The following CMYA5 variants were observed in gnomAD, a reference collection of about 807,000 sequenced individuals.
CMYA5 encodes cardiomyopathy-associated protein 5.
CMYA5 carries 246 observed loss-of-function variants against 318.9 expected under a neutral mutation model. That is an observed-to-expected ratio of 0.77 (90% CI 0.70 to 0.86). CMYA5 has a LOEUF of 0.86. Among genes scored for constraint, CMYA5 ranks in the 40% least tolerant of loss-of-function variants. The pLI is 0.00. For synonymous variants in CMYA5, 1,641 were observed against 1,729.5 expected (o/e 0.95, Z 1.27); for missense variants, 4,589 against 4,678.2 (o/e 0.98, Z 0.56).
chr5:79,735,283 A>C lies in CMYA5; in HGVS notation c.6518A>C (p.Lys2173Thr), dbSNP rs561658301. ...KPDLPEEKGK[K>T]GISSFKSWMS... The stretch of plus-strand genomic sequence containing the variant: ...GACCTTCCTGAGGAAAAGGGAAAGA[A>C]AGGAATTTCATCTTTCAAATCGTGG... The change falls in exon 2 of 13, where the codon AAA becomes ACA. Residue 2173 changes from lysine to threonine, a missense_variant. Physicochemically the swap from Lys to Thr is moderately conservative, Grantham distance 78. Transcript: ENST00000446378. 3 of 1,613,840 alleles carry C rather than the reference A, an allele frequency of 1.9e-6. No homozygotes were observed. The African/African-American group carries it at 4.0e-5, about 22-fold the overall frequency.
chr5:79,742,997 C>G (rs777832298), intron 2 of CMYA5, among the ~76,000 whole-genome samples: 5 of 152,060 alleles, frequency 3.3e-5, no homozygotes, highest in Non-Finnish European at 7.4e-5. Flanking sequence ...TGAAGGCACA[C>G]AGATGAGAAA....
intron 1 of CMYA5, among the ~76,000 whole-genome samples, chr5:79,691,825 A>T (rs1826975679): frequency 6.6e-6 from 1 of 152,202 alleles, no homozygotes; most frequent in African/African-American, 2.4e-5. Flanking sequence ...GGGACAGCTT[A>T]ATTTTACACA....
chr5:79,719,942 A>T (rs1191552026), intron 1 of CMYA5, among the ~76,000 whole-genome samples: 1 of 152,248 alleles, frequency 6.6e-6, no homozygotes, highest in African/African-American at 2.4e-5. Flanking sequence ...AAATACAATA[A>T]TAAAAAATGA....
chr5:79,694,991 C>T (rs1259362217), intron 1 of CMYA5, among the ~76,000 whole-genome samples: 2 of 152,056 alleles, frequency 1.3e-5, no homozygotes, highest in Non-Finnish European at 2.9e-5. Flanking sequence ...TTTGACTCAA[C>T]GAAGAGTTAA....
intron 9 of CMYA5, among the ~76,000 whole-genome samples, chr5:79,771,944 G>T (rs928402800): frequency 3.3e-5 from 5 of 152,076 alleles, no homozygotes; most frequent in Non-Finnish European, 5.9e-5. Context: ...TATGAAGAGA[G>T]AATGCACTAC....
chr5:79,697,287 C>T (rs1827086384), intron 1 of CMYA5, among the ~76,000 whole-genome samples: 1 of 152,226 alleles, frequency 6.6e-6, no homozygotes, highest in South Asian at 2.1e-4. Context: ...CCTCCTTGCT[C>T]ATTCCCCTGG....
At chr5:79,798,241 C>T (rs781460671) in intron 12 of CMYA5, among the ~76,000 whole-genome samples, 4 of 152,096 alleles carry the variant, frequency 2.6e-5, no homozygotes, top group Non-Finnish European at 4.4e-5. Context: ...CTTGAAGATC[C>T]TCAGCCCTCC....
intron 9 of CMYA5, among the ~76,000 whole-genome samples, chr5:79,776,648 G>A (rs950732793): frequency 1.6e-4 from 25 of 152,052 alleles, no homozygotes; most frequent in Admixed American, 6.6e-4. Context: ...GCAGGCTTGG[G>A]GAACACTGCC....
chr5:79,751,841 C>T (rs768918509), intron 5 of CMYA5, among the ~76,000 whole-genome samples: 12 of 152,290 alleles, frequency 7.9e-5, no homozygotes, highest in Non-Finnish European at 1.3e-4. Context: ...GTATTAGTAG[C>T]GTACTCTCTG....
intron 1 of CMYA5, among the ~76,000 whole-genome samples, chr5:79,723,443 G>GAAA (rs35720490): frequency 9.0e-5 from 11 of 121,558 alleles, no homozygotes; most frequent in African/African-American, 2.7e-4. Context: ...CATCTCAAAG[G>GAAA]AAAAAAAAAA....
intron 5 of CMYA5, 149 bp from the exon 6 acceptor site, chr5:79,752,527 A>G (rs1828448167): frequency 1.9e-6 from 1 of 521,692 alleles, no homozygotes; most frequent in Non-Finnish European, 3.4e-6. Flanking sequence ...AAGACTTTAA[A>G]GCTTTAAATC....
chr5:79,732,370 C>T lies in CMYA5; in HGVS notation c.3605C>T (p.Ser1202Leu). 5.0e-6 allele frequency: 8 copies of T among 1,613,684 alleles called. No individual in the cohort carries two copies. The highest frequency in any genetic ancestry group is 1.3e-5 in the African/African-American group (1 of 75,038). Residue 1202 changes from serine (S) to leucine (L), a missense_variant, in exon 2 of 13, where the codon TCA becomes TTA. Coordinates refer to ENST00000446378, the MANE Select transcript of CMYA5 (RefSeq NM_153610.5). ...GCTGCAGATGAACAGATGGCTTTGT[C>T]AAAAGTCAGAAAGGAAGAAATTGTG... ...LKAADEQMALSKVRKEEIVPD... is the reference protein window; with the variant it reads ...LKAADEQMALLKVRKEEIVPD...
At chr5:79,768,981 C>A (rs1828806206) in intron 9 of CMYA5, among the ~76,000 whole-genome samples, 1 of 152,048 alleles carries the variant, frequency 6.6e-6, no homozygotes, top group Non-Finnish European at 1.5e-5. Context: ...TTCTTGGAGG[C>A]TTTGTTTGTT....
chr5:79,729,162 A>T lies in CMYA5; in HGVS notation c.397A>T (p.Lys133Ter), dbSNP rs368326388. The change falls in exon 2 of 13, where the codon AAA (lysine) becomes TAA (stop). Residue 133 changes from lysine (K) to a stop codon, truncating the protein, a stop_gained. Coordinates refer to ENST00000446378, the MANE Select transcript of CMYA5 (RefSeq NM_153610.5). LOFTEE classifies it high-confidence loss of function. The stretch of plus-strand genomic sequence containing the variant: ...TGTGGATGAAGTGAAAAAGGTTCGG[A>T]AAAGGACTCATAAGTCAAAGCATGG... ...FIVDEVKKVR[K>*]RTHKSKHGSP... The T allele has an allele frequency of 6.2e-7, 1 of 1,612,330 alleles. No individual in the cohort carries two copies. Among genetic ancestry groups the T allele is most frequent in the African/African-American group, 1.3e-5 (1 of 74,814 alleles).
chr5:79,729,224 A>T lies in CMYA5; in HGVS notation c.459A>T (p.Arg153Ser), dbSNP rs766668920. 6.2e-7 allele frequency: 1 copy of T among 1,613,156 alleles called. No homozygotes were observed. The highest frequency in any genetic ancestry group is 1.1e-5 in the South Asian group (1 of 90,782). Residue 153 changes from arginine to serine, a missense_variant, in exon 2 of 13, where the codon AGA becomes AGT. Coordinates refer to ENST00000446378, the MANE Select transcript of CMYA5 (RefSeq NM_153610.5). The stretch of plus-strand genomic sequence containing the variant: ...TACGCCGGAAAGGCAACAGAAAAAG[A>T]AATTCTTTTGAATCCCAAGATGTTC... ...PSLRRKGNRK[R>S]NSFESQDVPT...
intron 9 of CMYA5, chr5:79,778,094 C>T (rs1369188405): frequency 6.6e-6 from 1 of 152,006 alleles, no homozygotes; most frequent in Admixed American, 6.6e-5. Context: ...TGGACTCCAG[C>T]CTGGGTGACA....
At position 79,799,672 on chromosome 5, in the gene CMYA5, G is replaced by C; in HGVS notation, c.*56G>C. The C allele has an allele frequency of 6.4e-7, 1 of 1,556,102 alleles. No homozygotes were observed. The highest frequency in any genetic ancestry group is 8.7e-7 in the Non-Finnish European group (1 of 1,146,764). On this transcript the variant is annotated 3_prime_UTR_variant, in exon 13 of 13. Transcript: ENST00000446378. ...GATTTGAATTTTGGGGGGGTCTGCT[G>C]TTCATTCCTTTAGGTGCTATACATT... is the stretch of plus-strand genomic sequence containing the variant.
chr5:79,749,100 T>C (rs975851180), intron 5 of CMYA5, among the ~76,000 whole-genome samples: 2 of 152,238 alleles, frequency 1.3e-5, no homozygotes, highest in Non-Finnish European at 2.9e-5. Flanking sequence ...TATGTTCATC[T>C]GTGTGTCATT....
chr5:79,763,254 C>T, intron 9 of CMYA5, 45 bp downstream of exon 9: 3 of 1,512,940 alleles, frequency 2.0e-6, no homozygotes, highest in Non-Finnish European at 2.7e-6. Context: ...AGCCCAGTAA[C>T]CAAGCTCTGG....
Sources: gnomAD v4.1 joint callset for allele counts (sites outside exome capture counted in the v4.1 genomes callset) on GRCh38, gnomAD v4.1.1 for gene constraint, MANE v1.5 for transcripts, NCBI Gene and HGNC (gene_info 2026-07-23, HGNC 2026-07-21) for gene names.